Variants in RIMS2 observed in about 807,000 individuals in gnomAD.
RIMS2 encodes the protein regulating synaptic membrane exocytosis 2.
RIMS2 carries 59 observed loss-of-function variants against 174.4 expected under a neutral mutation model. The ratio of observed to expected loss-of-function variants is 0.34; its 90% CI spans 0.27 to 0.42. The LOEUF (loss-of-function observed/expected upper bound fraction) is 0.42, where lower values mean the gene tolerates loss of function less well. Ranked by LOEUF, RIMS2 falls within the 10% of genes least tolerant of loss-of-function variation. RIMS2 has a pLI of 1.00. For synonymous variants in RIMS2, 606 were observed against 572.5 expected, an observed-to-expected ratio of 1.06 and a Z score of -0.84; for missense variants, 1,620 against 1,666.3, an observed-to-expected ratio of 0.97 and a Z score of 0.48.
intron 4 of RIMS2, among the ~76,000 whole-genome samples, chr8:103,899,813 G>A (rs1000196595): frequency 1.3e-5 from 2 of 151,728 alleles, no homozygotes; most frequent in African/African-American, 4.9e-5. Flanking sequence ...GTCCTGAATG[G>A]TATTACCTAG....
intron 1 of RIMS2, among the ~76,000 whole-genome samples, chr8:103,637,075 C>T (rs1270165460): frequency 6.6e-6 from 1 of 152,152 alleles, no homozygotes; most frequent in Non-Finnish European, 1.5e-5. Flanking sequence ...TGGGTCATTT[C>T]TTGCCAGTTT....
intron 14 of RIMS2, among the ~76,000 whole-genome samples, chr8:103,945,985 G>A (rs2083652767): frequency 6.6e-6 from 1 of 152,108 alleles, no homozygotes; most frequent in South Asian, 2.1e-4. Flanking sequence ...AGTTAGGACA[G>A]TCAGGCAAGA....
intron 19 of RIMS2, among the ~76,000 whole-genome samples, chr8:104,039,435 T>G (rs568816895): frequency 2.5e-4 from 38 of 151,860 alleles, no homozygotes; most frequent in Middle Eastern, 3.4e-3. Flanking sequence ...TTTTTCATGT[T>G]TGGATCCACA....
At chr8:103,717,690 A>G (rs976014499) in intron 2 of RIMS2, among the ~76,000 whole-genome samples, 24 of 152,236 alleles carry the variant, frequency 1.6e-4, no homozygotes, top group African/African-American at 5.8e-4. Context: ...ATAACAGTCT[A>G]TATTTCAAAC....
intron 3 of RIMS2, among the ~76,000 whole-genome samples, chr8:103,877,463 G>T (rs1329660218): frequency 6.6e-6 from 1 of 151,898 alleles, no homozygotes; most frequent in Non-Finnish European, 1.5e-5. Flanking sequence ...TTTGTCAGAT[G>T]TATAGATTCT....
intron 4 of RIMS2, among the ~76,000 whole-genome samples, chr8:103,905,662 CT>C (rs34565524): frequency 0.68 from 98,684 of 145,016 alleles, 34,183 homozygotes; most frequent in African/African-American, 0.78. Flanking sequence ...TCTTTGAATA[CT>C]TTTTTTTTTT....
chr8:103,753,861 A>G (rs934613973), intron 2 of RIMS2, among the ~76,000 whole-genome samples: 46 of 151,874 alleles, frequency 3.0e-4, no homozygotes, highest in African/African-American at 1.1e-3. Flanking sequence ...CAATTTTGTC[A>G]ATCTTTTAAA....
At chr8:103,714,726 A>G (rs1346431371) in intron 2 of RIMS2, among the ~76,000 whole-genome samples, 1 of 152,292 alleles carries the variant, frequency 6.6e-6, no homozygotes, top group East Asian at 1.9e-4. Context: ...GATAGAATCA[A>G]TGATATATAA....
intron 1 of RIMS2, among the ~76,000 whole-genome samples, chr8:103,557,170 A>G (rs2090644625): frequency 6.6e-6 from 1 of 152,226 alleles, no homozygotes; most frequent in Non-Finnish European, 1.5e-5. Context: ...TCAAAAACCG[A>G]TAGCTCATTG....
chr8:103,607,328 C>G (rs1334301173), intron 1 of RIMS2, among the ~76,000 whole-genome samples: 3 of 151,850 alleles, frequency 2.0e-5, no homozygotes, highest in Non-Finnish European at 4.4e-5. Flanking sequence ...TGAATATTGG[C>G]CCCCACTCTC....
At chr8:103,694,150 G>A (rs2097068044) in intron 1 of RIMS2, among the ~76,000 whole-genome samples, 1 of 152,132 alleles carries the variant, frequency 6.6e-6, no homozygotes, top group African/African-American at 2.4e-5. Context: ...TGGCCTGGAG[G>A]GTGGGCCTCA....
Position 103,810,186 on chromosome 8 carries a change from A to G in RIMS2, c.698+43649A>G, listed in dbSNP as rs555878087. Among the ~76,000 whole-genome samples, 13 of 152,312 alleles carry G rather than the reference A, an allele frequency of 8.5e-5. No homozygotes were observed. The South Asian group carries it at 2.3e-3, about 27-fold the overall frequency. ...CAAAGACTTCTGCCTATATGGGAATAGAAAAAAATGTTCCCATTAGAATCA... is the reference window on the plus strand; with the variant it reads ...CAAAGACTTCTGCCTATATGGGAATGGAAAAAAATGTTCCCATTAGAATCA... On this transcript the variant is annotated intron_variant, in intron 3 of 23. Transcript: ENST00000504942.
chr8:104,194,352 G>T (rs1200860542), intron 19 of RIMS2, among the ~76,000 whole-genome samples: 1 of 151,848 alleles, frequency 6.6e-6, no homozygotes, highest in Non-Finnish European at 1.5e-5. Context: ...TACTTTCTGT[G>T]CTCTTATAGT....
chr8:104,192,241 C>T (rs1210997812), intron 19 of RIMS2, among the ~76,000 whole-genome samples: 1 of 152,010 alleles, frequency 6.6e-6, no homozygotes, highest in African/African-American at 2.4e-5. Flanking sequence ...GTATTTAGTG[C>T]TGAGTGATAT....
intron 3 of RIMS2, among the ~76,000 whole-genome samples, chr8:103,773,448 T>C (rs2098275554): frequency 6.6e-6 from 1 of 152,096 alleles, no homozygotes; most frequent in Non-Finnish European, 1.5e-5. Flanking sequence ...GACTATCAAG[T>C]GCCGGGCACG....
chr8:103,747,252 C>T (rs2097832993), intron 2 of RIMS2, among the ~76,000 whole-genome samples: 1 of 128,580 alleles, frequency 7.8e-6, no homozygotes, highest in Non-Finnish European at 1.6e-5. Flanking sequence ...CTCCCCCCAC[C>T]CCACAACAGT....
At chr8:104,024,761 TAA>T (rs1181864729) in intron 19 of RIMS2, among the ~76,000 whole-genome samples, 2 of 152,186 alleles carry the variant, frequency 1.3e-5, no homozygotes, top group Admixed American at 1.3e-4. Flanking sequence ...GTAACTTATA[TAA>T]AGTGTCTTAA....
intron 2 of RIMS2, among the ~76,000 whole-genome samples, chr8:103,757,744 A>G (rs1371251958): frequency 1.3e-5 from 2 of 152,212 alleles, no homozygotes; most frequent in Admixed American, 6.5e-5. Flanking sequence ...CCCTTGTATC[A>G]TCAGTGCATA....
At chr8:103,912,564 A>G (rs1184022057) in intron 6 of RIMS2, among the ~76,000 whole-genome samples, 1 of 152,176 alleles carries the variant, frequency 6.6e-6, no homozygotes, top group African/African-American at 2.4e-5. Flanking sequence ...TAATATGTAT[A>G]TATATGTATA....
Sources: gnomAD v4.1 joint callset for allele counts (sites outside exome capture counted in the v4.1 genomes callset) on GRCh38, gnomAD v4.1.1 for gene constraint, MANE v1.5 for transcripts, NCBI Gene and HGNC (gene_info 2026-07-23, HGNC 2026-07-21) for gene names.